ACVR1: variants seen among roughly 807,000 people sequenced by gnomAD.
The protein encoded by ACVR1 is activin receptor type-1.
In ACVR1, 38 loss-of-function variants were observed where a neutral mutation model predicts 57.1. The observed-to-expected ratio is 0.67, with a 90% CI of 0.51 to 0.87. The LOEUF (loss-of-function observed/expected upper bound fraction) is 0.87, where lower values mean the gene tolerates loss of function less well. Among genes scored for constraint, ACVR1 ranks in the 40% least tolerant of loss-of-function variants. ACVR1 has a pLI of 0.00. For missense variants in ACVR1, 463 were observed against 638.2 expected (o/e 0.73, Z 2.96); for synonymous variants, 212 against 228.1 (o/e 0.93, Z 0.63).
chr2:157,815,018 G>A (rs1365951965), intron 2 of ACVR1, among the ~76,000 whole-genome samples: 2 of 152,168 alleles, frequency 1.3e-5, no homozygotes, highest in Non-Finnish European at 2.9e-5. Flanking sequence ...GAACCCAGGA[G>A]GCAGAGCTTG....
chr2:157,825,761 C>T (rs1237609418), intron 1 of ACVR1, among the ~76,000 whole-genome samples: 1 of 152,172 alleles, frequency 6.6e-6, no homozygotes, highest in Non-Finnish European at 1.5e-5. Context: ...TAGCTTTAAT[C>T]CAGCTATATG....
At chr2:157,813,997 C>T (rs920751660) in intron 2 of ACVR1, among the ~76,000 whole-genome samples, 6 of 152,202 alleles carry the variant, frequency 3.9e-5, no homozygotes, top group Non-Finnish European at 8.8e-5. Flanking sequence ...ATCATTTCCT[C>T]CAATGTAAGT....
chr2:157,824,947 T>C (rs1255187196), intron 1 of ACVR1, among the ~76,000 whole-genome samples: 1 of 152,164 alleles, frequency 6.6e-6, no homozygotes, highest in East Asian at 1.9e-4. Flanking sequence ...GGTTTTGCCA[T>C]GTTGGCCAGG....
chr2:157,805,820 C>CTTTTTTTT (rs1222482675), intron 2 of ACVR1, among the ~76,000 whole-genome samples: 432 of 30,196 alleles, frequency 0.014, no homozygotes, highest in Middle Eastern at 0.031. Flanking sequence ...TTTCTTTTTT[C>CTTTTTTTT]TTTTTTTTTT....
chr2:157,740,330 T>G (rs931310137), intron 9 of ACVR1, among the ~76,000 whole-genome samples: 1 of 152,184 alleles, frequency 6.6e-6, no homozygotes, highest in African/African-American at 2.4e-5. Context: ...TCAGAAATCT[T>G]GGAACACCTC....
At chr2:157,866,523 G>T (rs78853416) in intron 1 of ACVR1, among the ~76,000 whole-genome samples, 1 of 152,170 alleles carries the variant, frequency 6.6e-6, no homozygotes, top group South Asian at 2.1e-4. Context: ...CTCAAGCAGA[G>T]AGCATTTTCC....
chr2:157,779,693 G>A (rs952362709), intron 4 of ACVR1, among the ~76,000 whole-genome samples: 4 of 152,214 alleles, frequency 2.6e-5, no homozygotes, highest in Non-Finnish European at 5.9e-5. Flanking sequence ...CTTTAAGATT[G>A]CAATTTAGGG....
At chr2:157,800,409 C>T (rs1574080434) in intron 2 of ACVR1, among the ~76,000 whole-genome samples, 1 of 152,236 alleles carries the variant, frequency 6.6e-6, no homozygotes, top group East Asian at 1.9e-4. Flanking sequence ...GGGATGATCA[C>T]TTGAGCCCAG....
At chr2:157,807,865 GT>G (rs1559069059) in intron 2 of ACVR1, among the ~76,000 whole-genome samples, 2 of 66,608 alleles carry the variant, frequency 3.0e-5, no homozygotes, top group Non-Finnish European at 2.9e-5. Context: ...GGGGGGGGGG[GT>G]GGGTATAAGA....
chr2:157,792,279 C>T (rs1482298574), intron 3 of ACVR1, among the ~76,000 whole-genome samples: 1 of 152,046 alleles, frequency 6.6e-6, no homozygotes, highest in Admixed American at 6.6e-5. Context: ...TGTTCTAGCC[C>T]GTAACAAAGA....
At chr2:157,838,965 A>G (rs1025272057) in intron 1 of ACVR1, among the ~76,000 whole-genome samples, 1 of 152,152 alleles carries the variant, frequency 6.6e-6, no homozygotes, top group African/African-American at 2.4e-5. Flanking sequence ...CAATGCACCA[A>G]TAACTATACT....
intron 9 of ACVR1, among the ~76,000 whole-genome samples, chr2:157,754,084 C>G (rs1685321057): frequency 6.6e-6 from 1 of 152,160 alleles, no homozygotes; most frequent in East Asian, 1.9e-4. Flanking sequence ...CACAACCTAA[C>G]AAAACCTCTG....
rs532193935 is a variant in ACVR1, at chr2:157,855,269, AGTGTGTGTGTGTGTGT to A, written c.-183+20511_-183+20526del. Among the ~76,000 whole-genome samples the A allele has an allele frequency of 5.4e-3, 460 of 85,168 alleles. 9 individuals are homozygous for A. Among genetic ancestry groups the A allele is most frequent in the African/African-American group, 0.024 (428 of 17,914 alleles). 55.9% of individuals were successfully genotyped at this position (85,168 alleles called of 152,430 possible). A position where few individuals can be genotyped will look rare whatever the true frequency, so the allele number is the denominator to read the frequency against. Reference sequence around the variant, plus strand: ...TCGTCTCTTAAAAAAAAAAAAAAAAAGTGTGTGTGTGTGTGTGTGTGTGTGTGTGTGTGTGTGTGTA... The same window carrying A: ...TCGTCTCTTAAAAAAAAAAAAAAAAAGTGTGTGTGTGTGTGTGTGTGTGTA... On this transcript the variant is annotated intron_variant, in intron 1 of 10. Transcript: ENST00000434821.
At chr2:157,833,604 A>G (rs1409235392) in intron 1 of ACVR1, among the ~76,000 whole-genome samples, 1 of 152,222 alleles carries the variant, frequency 6.6e-6, no homozygotes, top group Admixed American at 6.5e-5. Flanking sequence ...TCTGTTTACC[A>G]TTCACACTGT....
intron 1 of ACVR1, among the ~76,000 whole-genome samples, chr2:157,821,353 C>G (rs1688154475): frequency 6.6e-6 from 1 of 152,034 alleles, no homozygotes; most frequent in Non-Finnish European, 1.5e-5. Context: ...TGGTGAAACC[C>G]TGTCTCTACC....
At chr2:157,831,772 C>T (rs1688586974) in intron 1 of ACVR1, among the ~76,000 whole-genome samples, 3 of 152,132 alleles carry the variant, frequency 2.0e-5, no homozygotes, top group African/African-American at 7.2e-5. Context: ...GGCTTCTACT[C>T]CAATAATGTT....
chr2:157,772,344 G>A (rs184332881), intron 6 of ACVR1, among the ~76,000 whole-genome samples: 3 of 152,230 alleles, frequency 2.0e-5, no homozygotes, highest in Non-Finnish European at 4.4e-5. Flanking sequence ...AACTTCCCAT[G>A]TTTTTGAACC....
At position 157,866,160 on chromosome 2, in the gene ACVR1, CA is replaced by C. The variant is rs1351963725; in HGVS notation, c.-183+9635del. On this transcript the variant is annotated intron_variant, in intron 1 of 10. Transcript: ENST00000434821. ...AATAAAGCTATCTAGGAACGAAAAA[CA>C]AAAACACCAATTTGAATTAAACCAA... 2.6e-5 allele frequency among the ~76,000 whole-genome samples: 4 copies of C among 152,100 alleles called. No individual in the cohort carries two copies. In the East Asian group the frequency reaches 7.7e-4, roughly 29 times the overall value.
At chr2:157,773,110 AG>A (rs1686134634) in intron 6 of ACVR1, among the ~76,000 whole-genome samples, 1 of 152,194 alleles carries the variant, frequency 6.6e-6, no homozygotes, top group Non-Finnish European at 1.5e-5. Flanking sequence ...CATGAGCACT[AG>A]GAGGAGGGTG....
Sources: gnomAD v4.1 joint callset for allele counts (sites outside exome capture counted in the v4.1 genomes callset) on GRCh38, gnomAD v4.1.1 for gene constraint, MANE v1.5 for transcripts, NCBI Gene and HGNC (gene_info 2026-07-23, HGNC 2026-07-21) for gene names.